The following SLC13A3 variants were observed in gnomAD, a reference collection of about 807,000 sequenced individuals.
The protein encoded by SLC13A3 is Na(+)/dicarboxylate cotransporter 3.
Under a neutral mutation model 59.0 loss-of-function variants are expected in SLC13A3, and 40 were observed. The observed-to-expected ratio is 0.68, with a 90% CI of 0.53 to 0.88. SLC13A3 has a LOEUF of 0.88. SLC13A3 is among the 40% of genes least tolerant of loss of function. The probability of loss-of-function intolerance (pLI) is 0.00; values close to 1 mark genes in which losing one functional copy is unlikely to be tolerated. For missense variants in SLC13A3, 699 were observed against 783.2 expected, an observed-to-expected ratio of 0.89 and a Z score of 1.28; for synonymous variants, 317 against 330.3, an observed-to-expected ratio of 0.96 and a Z score of 0.44.
At chr20:46,560,312 G>A in intron 12 of SLC13A3, 114 bp from the exon 13 acceptor site, 1 of 987,152 alleles carries the variant, frequency 1.0e-6, no homozygotes, top group Non-Finnish European at 1.5e-6. Flanking sequence ...GCCAGGAAGT[G>A]ATGGAGCCAG....
intron 9 of SLC13A3, 179 bp downstream of exon 9, chr20:46,583,393 C>A (rs1600517527): frequency 1.4e-6 from 2 of 1,405,278 alleles, no homozygotes; most frequent in African/African-American, 2.9e-5. Context: ...TAACCCCTGT[C>A]CTGGACTACC....
chr20:46,578,611 A>G (rs2062102456), intron 9 of SLC13A3, among the ~76,000 whole-genome samples: 1 of 151,996 alleles, frequency 6.6e-6, no homozygotes, highest in African/African-American at 2.4e-5. Flanking sequence ...GGGAGGCAGA[A>G]GTTGCAGTGA....
intron 5 of SLC13A3, among the ~76,000 whole-genome samples, chr20:46,595,299 A>G (rs1440564823): frequency 6.6e-6 from 1 of 152,228 alleles, no homozygotes. Context: ...GTGCAGTTGG[A>G]ACATCTTTTC....
rs1183811350 is a variant in SLC13A3 at position 46,587,714 on chromosome 20, AG to A, written c.1121+344del. 3.9e-5 allele frequency among the ~76,000 whole-genome samples: 6 copies of A among 152,322 alleles called. No homozygotes were observed. The East Asian group carries it at 1.2e-3, about 29-fold the overall frequency. The stretch of plus-strand genomic sequence containing the variant: ...AACTACTTGCTTTTGTCTGTGTCCC[AG>A]CATCCAGCATCCAGCTTAGCACATA... On this transcript the variant is annotated intron_variant, in intron 8 of 12. Transcript: ENST00000279027.
At chr20:46,670,176 G>T (rs1182995583), upstream of SLC13A3, 1 of 152,140 alleles carries the variant, frequency 6.6e-6, no homozygotes, top group African/African-American at 2.4e-5. Context: ...CAATTCTCAG[G>T]CTTCCCTACA....
At chr20:46,572,290 G>T (rs902047198) in intron 10 of SLC13A3, among the ~76,000 whole-genome samples, 17 of 152,170 alleles carry the variant, frequency 1.1e-4, no homozygotes, top group Non-Finnish European at 2.4e-4. Context: ...AAGCATTCTG[G>T]TCGCTCCTGG....
chr20:46,593,637 T>G (rs979465457), intron 5 of SLC13A3, among the ~76,000 whole-genome samples: 1 of 152,194 alleles, frequency 6.6e-6, no homozygotes, highest in Admixed American at 6.5e-5. Context: ...AGCAAGTGTG[T>G]GGTCAGTTAC....
At chr20:46,627,225 T>C (rs1004045152) in intron 1 of SLC13A3, among the ~76,000 whole-genome samples, 1 of 152,202 alleles carries the variant, frequency 6.6e-6, no homozygotes, top group African/African-American at 2.4e-5. Flanking sequence ...TTCAAACTCA[T>C]ATGCAGGGGA....
intron 3 of SLC13A3, among the ~76,000 whole-genome samples, chr20:46,609,440 A>G (rs2062470153): frequency 6.6e-6 from 1 of 152,270 alleles, no homozygotes; most frequent in South Asian, 2.1e-4. Context: ...CGTTATCACT[A>G]TTTACTTCAC....
chr20:46,659,712 TC>T (rs34518362), intron 1 of SLC13A3, among the ~76,000 whole-genome samples: 1,211 of 78,534 alleles, frequency 0.015, 7 homozygotes, highest in East Asian at 0.034. Flanking sequence ...TGAGACCCTA[TC>T]CCCCCCCCCC....
At chr20:46,641,814 T>A (rs982436806) in intron 1 of SLC13A3, among the ~76,000 whole-genome samples, 6 of 152,152 alleles carry the variant, frequency 3.9e-5, no homozygotes, top group Non-Finnish European at 5.9e-5. Context: ...AAGAATAAAC[T>A]ACTAGCCTGC....
At chr20:46,597,003 T>A (rs1022787137) in intron 4 of SLC13A3, among the ~76,000 whole-genome samples, 1 of 152,090 alleles carries the variant, frequency 6.6e-6, no homozygotes, top group Admixed American at 6.6e-5. Context: ...TAGTGAACTT[T>A]GATTGCCCCA....
At chr20:46,660,650 G>C (rs1189695265) in intron 1 of SLC13A3, among the ~76,000 whole-genome samples, 2 of 152,120 alleles carry the variant, frequency 1.3e-5, no homozygotes, top group Non-Finnish European at 2.9e-5. Context: ...AGTTTGCTGA[G>C]CTGCTTGGAT....
At chr20:46,575,008 AG>A (rs1409185948) in intron 10 of SLC13A3, among the ~76,000 whole-genome samples, 5 of 150,966 alleles carry the variant, frequency 3.3e-5, no homozygotes, top group Admixed American at 3.3e-4. Context: ...GGGCATGGGG[AG>A]GCATCCCTGC....
intron 6 of SLC13A3, among the ~76,000 whole-genome samples, chr20:46,590,859 A>C (rs991272801): frequency 6.6e-6 from 1 of 152,144 alleles, no homozygotes; most frequent in Non-Finnish European, 1.5e-5. Flanking sequence ...AGAGAAAAAA[A>C]TAATAAAATA....
chr20:46,663,872 C>G (rs370300086), intron 1 of SLC13A3, among the ~76,000 whole-genome samples: 20 of 152,166 alleles, frequency 1.3e-4, no homozygotes, highest in African/African-American at 4.3e-4. Context: ...GGCAATATGA[C>G]TTTAATACTG....
At position 46,585,548 on chromosome 20, in the gene SLC13A3, C is replaced by A. The variant is rs959135073; in HGVS notation, c.1122-1879G>T. The A allele has an allele frequency of 1.3e-5, 13 of 1,021,670 alleles. No homozygotes were observed. The Admixed American group carries it at 5.7e-4, about 45-fold the overall frequency. 63.3% of individuals were successfully genotyped at this position (1,021,670 alleles called of 1,614,324 possible). A position where few individuals can be genotyped will look rare whatever the true frequency, so the allele number is the denominator to read the frequency against. ...TATAATTAACATGCAATAAAATGCA[C>A]CCATTTTAAGGGTATAGTTTAACAA... On this transcript the variant is annotated intron_variant, in intron 8 of 12. Coordinates refer to ENST00000279027, the MANE Select transcript of SLC13A3 (RefSeq NM_022829.6).
At chr20:46,611,032 A>C (rs1006853765) in intron 2 of SLC13A3, among the ~76,000 whole-genome samples, 1 of 150,386 alleles carries the variant, frequency 6.6e-6, no homozygotes, top group African/African-American at 2.5e-5. Context: ...CAACACCTTT[A>C]CTCCCCTGCC....
Position 46,558,241 on chromosome 20 carries a change from GGA to G in SLC13A3, c.*1779_*1780del. The G allele has an allele frequency of 6.6e-6, 1 of 152,280 alleles. No homozygotes were observed. The highest frequency in any genetic ancestry group is 1.5e-5 in the Non-Finnish European group (1 of 68,050). 9.4% of individuals were successfully genotyped at this position (152,280 alleles called of 1,614,324 possible). On this transcript the variant is annotated 3_prime_UTR_variant, in exon 13 of 13. Transcript: ENST00000279027. ...AGTCGGGGAACCAGACATATACTTG[GGA>G]GAGAGTGTTCTAGGCAGAGGGAACA... is the stretch of plus-strand genomic sequence containing the variant.
Sources: gnomAD v4.1 joint callset for allele counts (sites outside exome capture counted in the v4.1 genomes callset) on GRCh38, gnomAD v4.1.1 for gene constraint, MANE v1.5 for transcripts, NCBI Gene and HGNC (gene_info 2026-07-23, HGNC 2026-07-21) for gene names.